MCTP1: variants seen among roughly 807,000 people sequenced by gnomAD.
MCTP1 encodes multiple C2 and transmembrane domain-containing protein 1.
A neutral mutation model predicts 120.6 loss-of-function variants in MCTP1; 69 were observed. The observed-to-expected ratio is 0.57, with a 90% CI of 0.47 to 0.70. The LOEUF is 0.70. MCTP1 is among the 30% of genes least tolerant of loss of function. The pLI is 0.00. For synonymous variants in MCTP1, 529 were observed against 493.1 expected (o/e 1.07, Z -0.96); for missense variants, 1,203 against 1,248.8 (o/e 0.96, Z 0.55).
At chr5:94,710,633 T>C (rs1173606835) in intron 21 of MCTP1, 185 bp downstream of exon 21, 3 of 515,316 alleles carry the variant, frequency 5.8e-6, no homozygotes, top group East Asian at 3.4e-5. Flanking sequence ...ATAAGAAAAA[T>C]ACATTTTGCA....
At chr5:94,798,600 A>G (rs372725963) in intron 18 of MCTP1, among the ~76,000 whole-genome samples, 9 of 152,250 alleles carry the variant, frequency 5.9e-5, no homozygotes, top group African/African-American at 2.2e-4. Flanking sequence ...CATTCTTCCA[A>G]TGACCGAGCA....
chr5:95,270,931 C>CAAAA (rs10655109), intron 1 of MCTP1, among the ~76,000 whole-genome samples: 112,025 of 145,246 alleles, frequency 0.77, 43,328 homozygotes, highest in African/African-American at 0.85. Flanking sequence ...CTCTCTCTCT[C>CAAAA]AAAAAAAAAA....
At chr5:94,931,214 T>TA (rs1814577100) in intron 6 of MCTP1, 2 of 152,072 alleles carry the variant, frequency 1.3e-5, no homozygotes, top group Admixed American at 6.6e-5. Context: ...TTCCAGGGTC[T>TA]AAAAAAATTA....
chr5:95,064,940 C>A (rs977891319), intron 1 of MCTP1, among the ~76,000 whole-genome samples: 1 of 152,190 alleles, frequency 6.6e-6, no homozygotes, highest in Non-Finnish European at 1.5e-5. Flanking sequence ...TCTATTTTTT[C>A]CACCCTGATC....
chr5:94,711,812 G>A (rs1396616188), intron 20 of MCTP1, among the ~76,000 whole-genome samples: 1 of 152,030 alleles, frequency 6.6e-6, no homozygotes, highest in Non-Finnish European at 1.5e-5. Flanking sequence ...CAAAAACCAT[G>A]ATGTAAAAAT....
chr5:95,154,275 C>A (rs1354595340), intron 1 of MCTP1: 1 of 152,072 alleles, frequency 6.6e-6, no homozygotes, highest in East Asian at 1.9e-4. Flanking sequence ...CACAGAAGGC[C>A]TGTAGGGTTA....
chr5:95,237,379 C>T (rs973712391), intron 1 of MCTP1, among the ~76,000 whole-genome samples: 2 of 152,078 alleles, frequency 1.3e-5, no homozygotes, highest in Non-Finnish European at 2.9e-5. Flanking sequence ...TTAAAAATAA[C>T]GGAGTAAGTA....
chr5:94,860,134 G>C (rs1432021724), intron 17 of MCTP1, among the ~76,000 whole-genome samples: 1 of 151,596 alleles, frequency 6.6e-6, no homozygotes, highest in Admixed American at 6.6e-5. Flanking sequence ...AAAACAGCCA[G>C]TAGAACAATT....
intron 1 of MCTP1, among the ~76,000 whole-genome samples, chr5:95,046,523 CA>C (rs1438300955): frequency 6.6e-6 from 1 of 152,116 alleles, no homozygotes; most frequent in Non-Finnish European, 1.5e-5. Flanking sequence ...ACTGGTAAAA[CA>C]TTCAAGGACT....
At chr5:94,775,227 C>T (rs958431945) in intron 19 of MCTP1, among the ~76,000 whole-genome samples, 3 of 152,180 alleles carry the variant, frequency 2.0e-5, no homozygotes, top group African/African-American at 7.2e-5. Context: ...GAATGCCACG[C>T]ATTTGAATCC....
intron 19 of MCTP1, among the ~76,000 whole-genome samples, chr5:94,750,332 CT>C (rs1767997589): frequency 1.3e-5 from 2 of 152,172 alleles, no homozygotes; most frequent in African/African-American, 4.8e-5. Context: ...AATTACATAT[CT>C]GGGGGGCAAA....
chr5:95,121,993 C>A (rs1357813063), intron 1 of MCTP1, among the ~76,000 whole-genome samples: 1 of 143,374 alleles, frequency 7.0e-6, no homozygotes, highest in Non-Finnish European at 1.5e-5. Flanking sequence ...ATATAAAAAT[C>A]AAATCAAAAT....
At chr5:95,210,856 T>G (rs1278133544) in intron 1 of MCTP1, among the ~76,000 whole-genome samples, 4 of 152,288 alleles carry the variant, frequency 2.6e-5, no homozygotes, top group South Asian at 2.1e-4. Flanking sequence ...AGGAGCTCTT[T>G]TAGGGCAGGC....
chr5:95,187,569 GT>G (rs1749354081), intron 1 of MCTP1, among the ~76,000 whole-genome samples: 1 of 151,962 alleles, frequency 6.6e-6, no homozygotes, highest in Non-Finnish European at 1.5e-5. Context: ...CCGGCTAATT[GT>G]TTGATATTTT....
At chr5:94,952,928 G>A (rs6890714) in intron 3 of MCTP1, among the ~76,000 whole-genome samples, 56,708 of 152,046 alleles carry the variant, frequency 0.37, 10,778 homozygotes, top group Middle Eastern at 0.42. Flanking sequence ...ATGGAAACTT[G>A]TTTTCATATG....
intron 3 of MCTP1, 80 bp from the exon 4 acceptor site, chr5:94,942,507 G>A (rs903539680): frequency 9.9e-7 from 1 of 1,013,858 alleles, no homozygotes; most frequent in Admixed American, 2.0e-5. Context: ...GTCATAAAAT[G>A]TTGGTTGTCT....
chr5:94,989,222 T>C (rs531697866), intron 2 of MCTP1, among the ~76,000 whole-genome samples: 50 of 152,300 alleles, frequency 3.3e-4, no homozygotes, highest in Non-Finnish European at 6.5e-4. Context: ...TGAGCCATCG[T>C]GCCTTTCTTC....
At chr5:95,268,710 C>G (rs568079509) in intron 1 of MCTP1, among the ~76,000 whole-genome samples, 9 of 152,130 alleles carry the variant, frequency 5.9e-5, no homozygotes, top group Admixed American at 1.3e-4. Flanking sequence ...CTAGGGAGGT[C>G]GGCAACGTTA....
At chr5:95,085,814 T>C (rs1582216167) in intron 1 of MCTP1, among the ~76,000 whole-genome samples, 1 of 152,138 alleles carries the variant, frequency 6.6e-6, no homozygotes, top group Non-Finnish European at 1.5e-5. Context: ...TTGTTTTTGA[T>C]TGGTATGAAG....
Sources: gnomAD v4.1 joint callset for allele counts (sites outside exome capture counted in the v4.1 genomes callset) on GRCh38, gnomAD v4.1.1 for gene constraint, MANE v1.5 for transcripts, NCBI Gene and HGNC (gene_info 2026-07-23, HGNC 2026-07-21) for gene names.